The following ITGA8 variants were observed in gnomAD, a reference collection of about 807,000 sequenced individuals.
The protein encoded by ITGA8 is integrin alpha-8.
In ITGA8, 91 loss-of-function variants were observed where a neutral mutation model predicts 142.3. The observed-to-expected ratio is 0.64, with a 90% confidence interval of 0.54 to 0.76. ITGA8 has a LOEUF of 0.76. Among genes scored for constraint, ITGA8 ranks in the 30% least tolerant of loss-of-function variants. ITGA8 has a pLI of 0.00. For synonymous variants in ITGA8, 505 were observed against 485.2 expected (o/e 1.04, Z -0.54); for missense variants, 1,406 against 1,327.7 (o/e 1.06, Z -0.92).
chr10:15,604,290 TC>T lies in ITGA8; in HGVS notation c.2035del (p.Glu679LysfsTer12), dbSNP rs1338527059. 6.2e-7 allele frequency: 1 copy of T among 1,612,972 alleles called. No individual in the cohort carries two copies. Among genetic ancestry groups the T allele is most frequent in the Admixed American group, 1.7e-5 (1 of 59,974 alleles). The part of the protein sequence containing the change: ...HLMLIINARN[E>X]GEGAYEAELF... ...TTCAGCTTCATATGCTCCTTCCCCT[TC>T]ATTTCTTGCATTTATTATGAGCATA... On this transcript the variant is annotated frameshift_variant, in exon 20 of 30. Transcript: ENST00000378076. LOFTEE classifies it high-confidence loss of function.
chr10:15,585,415 C>T (rs1322716839), intron 23 of ITGA8, among the ~76,000 whole-genome samples: 1 of 152,216 alleles, frequency 6.6e-6, no homozygotes, highest in Non-Finnish European at 1.5e-5. Flanking sequence ...TTAGACATTG[C>T]TATTATTCTC....
intron 3 of ITGA8, among the ~76,000 whole-genome samples, chr10:15,684,811 G>T (rs181949144): frequency 2.0e-5 from 3 of 152,112 alleles, no homozygotes; most frequent in Non-Finnish European, 2.9e-5. Context: ...GAATTAATCA[G>T]TGTGATGTCT....
intron 25 of ITGA8, among the ~76,000 whole-genome samples, chr10:15,563,408 A>C (rs1351543984): frequency 1.3e-5 from 2 of 152,084 alleles, no homozygotes; most frequent in Admixed American, 6.5e-5. Context: ...ATCATATACT[A>C]TGTGGGTGTA....
chr10:15,631,648 T>C (rs943792630), intron 13 of ITGA8, among the ~76,000 whole-genome samples: 4 of 151,010 alleles, frequency 2.6e-5, no homozygotes, highest in Non-Finnish European at 1.5e-5. Flanking sequence ...CAAATCACCA[T>C]GGCACGGGCA....
At position 15,644,168 on chromosome 10, in the gene ITGA8, T is replaced by C. The variant is rs1833922839; in HGVS notation, c.1261A>G (p.Ile421Val). Reference sequence around the variant, plus strand: ...AAGCCATCTTTGTTCCCATTATAAATGAGCACTTTGCCTCTTTGATCCTTG... The same window carrying C: ...AAGCCATCTTTGTTCCCATTATAAACGAGCACTTTGCCTCTTTGATCCTTG... ...AGKDQRGKVL[I>V]YNGNKDGLNT... The change falls in exon 13 of 30, where the codon ATT (isoleucine) becomes GTT (valine). Residue 421 changes from isoleucine to valine, a missense_variant. Ile to Val is a conservative substitution (Grantham distance 29, BLOSUM62 3). Coordinates refer to ENST00000378076, the MANE Select transcript of ITGA8 (RefSeq NM_003638.3). 6.2e-7 allele frequency: 1 copy of C among 1,614,102 alleles called. No individual in the cohort carries two copies. The highest frequency in any genetic ancestry group is 8.5e-7 in the Non-Finnish European group (1 of 1,180,008).
chr10:15,617,454 C>T (rs1022998993), intron 13 of ITGA8, among the ~76,000 whole-genome samples: 2 of 151,748 alleles, frequency 1.3e-5, no homozygotes, highest in Non-Finnish European at 1.5e-5. Flanking sequence ...GCTGGAGTGC[C>T]GTGGTGCAAT....
Position 15,636,523 on chromosome 10 carries a change from A to G in ITGA8, c.1399+7507T>C, listed in dbSNP as rs543137069. ...AATTATTCCACACATTATTTCTGCA[A>G]TCAAATCTGTATATTATATAACAAA... On this transcript the variant is annotated intron_variant, in intron 13 of 29. Transcript: ENST00000378076. Among the ~76,000 whole-genome samples the G allele has an allele frequency of 7.9e-5, 12 of 152,314 alleles. 1 individual carries two copies. In the Middle Eastern group the frequency reaches 0.014, roughly 173 times the overall value.
intron 27 of ITGA8, among the ~76,000 whole-genome samples, chr10:15,535,842 T>C (rs565445087): frequency 1.3e-5 from 2 of 152,244 alleles, no homozygotes; most frequent in South Asian, 4.2e-4. Flanking sequence ...GCAATAAATC[T>C]TGCTGCTGCT....
At chr10:15,600,587 CA>C (rs1833087449) in intron 20 of ITGA8, among the ~76,000 whole-genome samples, 1 of 152,106 alleles carries the variant, frequency 6.6e-6, no homozygotes, top group South Asian at 2.1e-4. Context: ...GTGATATGAT[CA>C]AGGGTCTCAT....
intron 8 of ITGA8, among the ~76,000 whole-genome samples, chr10:15,662,768 A>G (rs1588706496): frequency 6.6e-6 from 1 of 152,348 alleles, no homozygotes; most frequent in East Asian, 1.9e-4. Context: ...GAAAGGTTCT[A>G]TCACCATTGA....
chr10:15,585,278 A>T (rs573995504), intron 23 of ITGA8, among the ~76,000 whole-genome samples: 1 of 152,336 alleles, frequency 6.6e-6, no homozygotes, highest in East Asian at 1.9e-4. Flanking sequence ...CTATATTTAC[A>T]TTCTGGCATT....
chr10:15,646,808 C>G (rs756492211), intron 12 of ITGA8, 38 bp downstream of exon 12: 3 of 1,517,840 alleles, frequency 2.0e-6, no homozygotes, highest in African/African-American at 2.7e-5. Flanking sequence ...GCAGTGGTGA[C>G]GACACATAAA....
chr10:15,606,445 C>A (rs761247042), intron 17 of ITGA8, 23 bp from the exon 18 acceptor site: 1 of 1,576,462 alleles, frequency 6.3e-7, no homozygotes, highest in South Asian at 1.1e-5. Flanking sequence ...ATCACAAACT[C>A]AACAGAGGCT....
chr10:15,620,680 C>G (rs1833473772), intron 13 of ITGA8, among the ~76,000 whole-genome samples: 1 of 152,188 alleles, frequency 6.6e-6, no homozygotes, highest in Non-Finnish European at 1.5e-5. Context: ...ATTGTCAGAT[C>G]TCTCCAGGGG....
At chr10:15,706,247 C>G (rs889166437) in intron 2 of ITGA8, among the ~76,000 whole-genome samples, 3 of 152,096 alleles carry the variant, frequency 2.0e-5, no homozygotes, top group Admixed American at 6.5e-5. Context: ...CACTCTTCAT[C>G]TGATCCATAA....
intron 27 of ITGA8, among the ~76,000 whole-genome samples, chr10:15,538,910 A>C (rs1180200775): frequency 6.7e-6 from 1 of 148,592 alleles, no homozygotes; most frequent in East Asian, 2.0e-4. Flanking sequence ...TCCAAATTTT[A>C]TGAAAGACCC....
intron 20 of ITGA8, among the ~76,000 whole-genome samples, chr10:15,599,097 A>T (rs1253777795): frequency 5.1e-5 from 6 of 118,360 alleles, no homozygotes; most frequent in South Asian, 2.8e-4. Context: ...TTTTTTTTTT[A>T]AATCTCACCT....
At chr10:15,621,030 T>C (rs577215898) in intron 13 of ITGA8, among the ~76,000 whole-genome samples, 2 of 152,342 alleles carry the variant, frequency 1.3e-5, no homozygotes, top group Admixed American at 1.3e-4. Context: ...CTTGGAACAT[T>C]TTTTTCTCCC....
At chr10:15,544,564 T>C (rs760927817) in intron 27 of ITGA8, among the ~76,000 whole-genome samples, 13 of 152,180 alleles carry the variant, frequency 8.5e-5, no homozygotes, top group Non-Finnish European at 1.9e-4. Context: ...ACTCCCAGCT[T>C]TCATCTGACT....
Sources: gnomAD v4.1 joint callset for allele counts (sites outside exome capture counted in the v4.1 genomes callset) on GRCh38, gnomAD v4.1.1 for gene constraint, MANE v1.5 for transcripts, NCBI Gene and HGNC (gene_info 2026-07-23, HGNC 2026-07-21) for gene names.